The following WASHC5 variants were observed in gnomAD, a reference collection of about 807,000 sequenced individuals.
WASHC5 encodes the protein WASH complex subunit 5.
WASHC5 carries 101 observed loss-of-function variants against 150.4 expected under a neutral mutation model. That is an observed-to-expected ratio of 0.67 (90% CI 0.57 to 0.79). The LOEUF is 0.79. Among genes scored for constraint, WASHC5 ranks in the 30% least tolerant of loss-of-function variants. The probability of loss-of-function intolerance (pLI) is 0.00; values close to 1 mark genes in which losing one functional copy is unlikely to be tolerated. For missense variants in WASHC5, 1,195 were observed against 1,396.3 expected (o/e 0.86, Z 2.30); for synonymous variants, 467 against 491.2 (o/e 0.95, Z 0.65).
chr8:125,076,274 G>A, intron 7 of WASHC5, 74 bp downstream of exon 7: 1 of 1,422,922 alleles, frequency 7.0e-7, no homozygotes, highest in East Asian at 2.3e-5. Flanking sequence ...CAACCTGTGG[G>A]TTAAAGGCCA....
Position 125,047,419 on chromosome 8 carries a change from T to C in WASHC5, c.2380-88A>G, listed in dbSNP as rs945409317. 74 of 1,339,932 alleles carry C rather than the reference T, an allele frequency of 5.5e-5. No individual in the cohort carries two copies. In the African/African-American group the frequency reaches 9.3e-4, roughly 17 times the overall value. The allele number at this position is 1,339,932 out of a possible 1,614,324, so 83.0% of individuals were successfully genotyped here. The stretch of plus-strand genomic sequence containing the variant: ...CCATATAATTTTACAAAGATAATAT[T>C]GCATAAAGAGTGACAATAAAGGTTG... On this transcript the variant is annotated intron_variant, in intron 19 of 28. Coordinates refer to ENST00000318410, the MANE Select transcript of WASHC5 (RefSeq NM_014846.4).
chr8:125,082,334 C>G (rs375245284), intron 4 of WASHC5, 49 bp downstream of exon 4: 18 of 1,036,084 alleles, frequency 1.7e-5, no homozygotes, highest in Non-Finnish European at 2.1e-5. Context: ...AAAAGTGATA[C>G]TATGTTTGAT....
At position 125,082,532 on chromosome 8, in the gene WASHC5, G is replaced by A. The variant is rs1249380177; in HGVS notation, c.333-65C>T. The A allele has an allele frequency of 1.6e-5, 16 of 976,986 alleles. No individual in the cohort carries two copies. In the East Asian group the frequency reaches 3.1e-4, roughly 19 times the overall value. The allele number at this position is 976,986 out of a possible 1,614,324, so 60.5% of individuals were successfully genotyped here. A position where few individuals can be genotyped will look rare whatever the true frequency, so the allele number is the denominator to read the frequency against. Reference sequence around the variant, plus strand: ...AGAAACTTTAACATCTTTAAAGAAGGAAAGATTTTTAAAAGATAAGGCAGG... The same window carrying A: ...AGAAACTTTAACATCTTTAAAGAAGAAAAGATTTTTAAAAGATAAGGCAGG... On this transcript the variant is annotated intron_variant, in intron 3 of 28. Transcript: ENST00000318410.
At chr8:125,049,554 CTTA>C in intron 18 of WASHC5, among the ~76,000 whole-genome samples, 3 of 149,454 alleles carry the variant, frequency 2.0e-5, no homozygotes, top group East Asian at 4.0e-4. Flanking sequence ...AAGACTTAAT[CTTA>C]AAAAAATAAA....
chr8:125,044,814 G>C, intron 20 of WASHC5, 116 bp from the exon 21 acceptor site: 1 of 1,072,646 alleles, frequency 9.3e-7, no homozygotes, highest in East Asian at 2.4e-5. Context: ...TACATGATCT[G>C]TGTTTTCTAA....
In WASHC5 at chr8:125,047,669, C is replaced by G. The variant is rs566479908; in HGVS notation, c.2380-338G>C. Among the ~76,000 whole-genome samples the G allele has an allele frequency of 9.2e-5, 14 of 152,308 alleles. 1 individual carries two copies. The South Asian group carries it at 2.9e-3, about 32-fold the overall frequency. The stretch of plus-strand genomic sequence containing the variant: ...GCTAGGCTGATCTCGAACTCCTGAT[C>G]TCAAGTGATCCTCCCACCTTGGCCT... On this transcript the variant is annotated intron_variant, in intron 19 of 28. Coordinates refer to ENST00000318410, the MANE Select transcript of WASHC5 (RefSeq NM_014846.4).
At chr8:125,089,128 G>A (rs1233237702) in intron 1 of WASHC5, among the ~76,000 whole-genome samples, 1 of 152,176 alleles carries the variant, frequency 6.6e-6, no homozygotes, top group Non-Finnish European at 1.5e-5. Context: ...TCTCTAACAG[G>A]CTGAATTTCA....
intron 10 of WASHC5, among the ~76,000 whole-genome samples, chr8:125,067,041 G>T (rs1206294124): frequency 6.6e-6 from 1 of 152,080 alleles, no homozygotes; most frequent in African/African-American, 2.4e-5. Flanking sequence ...TTGAGACAGG[G>T]TGTCACTCTG....
intron 24 of WASHC5, 93 bp from the exon 25 acceptor site, chr8:125,039,052 TCA>T (rs1815804540): frequency 1.5e-6 from 2 of 1,320,530 alleles, no homozygotes; most frequent in East Asian, 4.7e-5. Context: ...TTTTCAAGCC[TCA>T]GTTTCCTCAT....
chr8:125,071,990 A>C (rs1816909312), intron 9 of WASHC5, among the ~76,000 whole-genome samples: 1 of 152,080 alleles, frequency 6.6e-6, no homozygotes, highest in Non-Finnish European at 1.5e-5. Flanking sequence ...GGTTTTTGTC[A>C]CAATGCTATC....
intron 6 of WASHC5, among the ~76,000 whole-genome samples, chr8:125,078,012 A>G (rs1441274649): frequency 3.3e-5 from 5 of 152,248 alleles, no homozygotes. Context: ...TCATTCTGTG[A>G]TAAATGATAT....
At chr8:125,025,059 GA>G (rs1815337367) in intron 28 of WASHC5, among the ~76,000 whole-genome samples, 1 of 152,084 alleles carries the variant, frequency 6.6e-6, no homozygotes, top group Non-Finnish European at 1.5e-5. Context: ...GATGGGGTTG[GA>G]GAGGTAGGGG....
intron 23 of WASHC5, among the ~76,000 whole-genome samples, chr8:125,041,080 T>C (rs1300895081): frequency 4.6e-5 from 7 of 152,188 alleles, no homozygotes; most frequent in Non-Finnish European, 1.0e-4. Context: ...TACTTGGAGA[T>C]TATCTGCAAT....
intron 26 of WASHC5, among the ~76,000 whole-genome samples, chr8:125,036,878 T>C (rs1815723016): frequency 6.6e-6 from 1 of 151,918 alleles, no homozygotes; most frequent in Non-Finnish European, 1.5e-5. Flanking sequence ...ATGGGCGTGG[T>C]AGTACGTGCC....
chr8:125,050,379 T>C (rs1049590652), intron 18 of WASHC5, among the ~76,000 whole-genome samples, 185 bp downstream of exon 18: 10 of 152,306 alleles, frequency 6.6e-5, no homozygotes, highest in African/African-American at 2.4e-4. Context: ...ATTTATACTA[T>C]AAATTTATAA....
intron 17 of WASHC5, among the ~76,000 whole-genome samples, chr8:125,051,537 G>A (rs1816237508): frequency 6.6e-6 from 1 of 152,248 alleles, no homozygotes. Flanking sequence ...AATCCAGACT[G>A]TGGAGCAACT....
intron 21 of WASHC5, 21 bp downstream of exon 21, chr8:125,044,515 C>T: frequency 6.2e-6 from 10 of 1,613,608 alleles, no homozygotes; most frequent in Non-Finnish European, 8.5e-6. Flanking sequence ...AGAAAACAGG[C>T]ATGAAAGTCA....
At chr8:125,035,148 T>C (rs1028604877) in intron 26 of WASHC5, among the ~76,000 whole-genome samples, 1 of 152,216 alleles carries the variant, frequency 6.6e-6, no homozygotes, top group Admixed American at 6.5e-5. Flanking sequence ...AGTCCTACTG[T>C]AATTTAGTTC....
intron 28 of WASHC5, 138 bp downstream of exon 28, chr8:125,028,482 G>T: frequency 1.5e-6 from 1 of 657,796 alleles, no homozygotes; most frequent in East Asian, 2.8e-5. Flanking sequence ...TTCAGAGCTG[G>T]GGGTAGAGCA....
Sources: allele counts gnomAD v4.1 joint callset (sites outside exome capture counted in the v4.1 genomes callset), GRCh38; gene constraint gnomAD v4.1.1; transcripts MANE v1.5; gene names NCBI Gene and HGNC (gene_info 2026-07-23, HGNC 2026-07-21).